NISCH: variants seen among roughly 807,000 people sequenced by gnomAD.
NISCH encodes the protein I-1 receptor candidate protein.
Under a neutral mutation model 138.4 loss-of-function variants are expected in NISCH, and 55 were observed. The ratio of observed to expected loss-of-function variants is 0.40; its 90% CI spans 0.32 to 0.50. The LOEUF is 0.50. NISCH is among the 20% of genes least tolerant of loss of function. The pLI, the probability that NISCH is intolerant of heterozygous loss-of-function variation, is 0.71. For missense variants in NISCH, 1,643 were observed against 2,005.5 expected, an observed-to-expected ratio of 0.82 and a Z score of 3.45; for synonymous variants, 860 against 861.5, an observed-to-expected ratio of 1.00 and a Z score of 0.03.
intron 17 of NISCH, 24 bp downstream of exon 17, chr3:52,489,702 AG>A: frequency 6.2e-7 from 1 of 1,601,920 alleles, no homozygotes; most frequent in Non-Finnish European, 8.5e-7. Flanking sequence ...TGTGGGTGCC[AG>A]CTATGGCACG....
In NISCH at chr3:52,480,213, C is replaced by G. The variant is rs761799702; in HGVS notation, c.1446C>G (p.Ala482=). Residue 482 remains alanine, a synonymous_variant, in exon 13 of 21, where the codon GCC becomes GCG. Coordinates refer to ENST00000345716, the MANE Select transcript of NISCH (RefSeq NM_007184.4). ...KGGEDSRLSA[A]PCIRPSSSPP... is the part of the protein sequence containing the mutation. ...GTGAAGACTCCCGGCTCTCAGCTGC[C>G]CCCTGCATCAGACCCAGCAGCTCCC... The G allele has an allele frequency of 1.9e-6, 3 of 1,613,948 alleles. 1 individual carries two copies. The highest frequency in any genetic ancestry group is 2.5e-6 in the Non-Finnish European group (3 of 1,180,010).
chr3:52,488,078 C>T lies in NISCH; in HGVS notation c.2586C>T (p.Tyr862=). The T allele has an allele frequency of 6.2e-7, 1 of 1,612,840 alleles. No homozygotes were observed. The highest frequency in any genetic ancestry group is 8.5e-7 in the Non-Finnish European group (1 of 1,179,954). Residue 862 remains tyrosine (Y), a synonymous_variant, in exon 16 of 21, where the codon TAC becomes TAT. Transcript: ENST00000345716. ...SQGCFPVYLV[Y]SDKRMVQTAA... ...GCTGCTTCCCCGTCTACCTGGTCTA[C>T]AGTGACAAGCGCATGGTGCAGACGG... is the stretch of plus-strand genomic sequence containing the variant.
At position 52,489,342 on chromosome 3, in the gene NISCH, CCAG is replaced by C; in HGVS notation, c.3122_3124del (p.Gln1041del). 1 of 1,611,640 alleles carries C rather than the reference CCAG, an allele frequency of 6.2e-7. No individual in the cohort carries two copies. ...TGTTTTTCGGGGGATACAGCAATGA[CCAG>C]CGTCCCCAGGAGGTCCCAGCAGAGG... On this transcript the variant is annotated inframe_deletion, in exon 17 of 21. Coordinates refer to ENST00000345716, the MANE Select transcript of NISCH (RefSeq NM_007184.4).
At chr3:52,485,865 C>T (rs1278446795) in intron 15 of NISCH, 38 bp downstream of exon 15, 3 of 1,555,686 alleles carry the variant, frequency 1.9e-6, no homozygotes, top group Non-Finnish European at 1.7e-6. Flanking sequence ...GGCCTGGCCA[C>T]ACAGCCTTAT....
At chr3:52,466,721 A>T (rs1706790786) in intron 3 of NISCH, among the ~76,000 whole-genome samples, 1 of 152,138 alleles carries the variant, frequency 6.6e-6, no homozygotes, top group Admixed American at 6.6e-5. Context: ...CGAAGCATCT[A>T]GGCCTGGCCT....
intron 15 of NISCH, 120 bp downstream of exon 15, chr3:52,485,947 G>T (rs878998519): frequency 3.5e-6 from 3 of 859,282 alleles, no homozygotes; most frequent in South Asian, 3.0e-5. Context: ...AAGGCCTATA[G>T]AACTATTTCT....
intron 3 of NISCH, among the ~76,000 whole-genome samples, chr3:52,469,583 A>G (rs572932709): frequency 8.3e-4 from 126 of 152,340 alleles, no homozygotes; most frequent in African/African-American, 2.9e-3. Flanking sequence ...CCTGGGCAAC[A>G]TAGTGAGACC....
chr3:52,474,417 C>G (rs1432445634), intron 7 of NISCH, among the ~76,000 whole-genome samples: 1 of 152,176 alleles, frequency 6.6e-6, no homozygotes, highest in Non-Finnish European at 1.5e-5. Flanking sequence ...CTGCCTCAGC[C>G]TCCCAAGTAG....
intron 19 of NISCH, among the ~76,000 whole-genome samples, 174 bp from the exon 20 acceptor site, chr3:52,491,178 T>G (rs1707551510): frequency 6.6e-6 from 1 of 152,250 alleles, no homozygotes; most frequent in African/African-American, 2.4e-5. Context: ...ATGCCTCAGC[T>G]CTTCCGGCCT....
intron 13 of NISCH, among the ~76,000 whole-genome samples, chr3:52,482,922 T>C (rs1707314092): frequency 6.6e-6 from 1 of 152,076 alleles, no homozygotes; most frequent in Non-Finnish European, 1.5e-5. Flanking sequence ...CTTGGAGCCA[T>C]GCGGGAGGAT....
chr3:52,481,812 C>G (rs1158924456), intron 13 of NISCH: 2 of 985,338 alleles, frequency 2.0e-6, no homozygotes, highest in African/African-American at 3.5e-5. Context: ...CCTGGGGACA[C>G]TCTGCAGAGG....
chr3:52,477,014 G>A (rs991459245), intron 8 of NISCH, among the ~76,000 whole-genome samples: 1 of 152,140 alleles, frequency 6.6e-6, no homozygotes, highest in African/African-American at 2.4e-5. Flanking sequence ...CAGCCTGGGC[G>A]ACAGAGTGAG....
chr3:52,457,551 C>T (rs1041499610), intron 1 of NISCH, among the ~76,000 whole-genome samples: 1 of 152,168 alleles, frequency 6.6e-6, no homozygotes. Flanking sequence ...TGGTAATCAC[C>T]TTTTTCATTC....
intron 13 of NISCH, among the ~76,000 whole-genome samples, chr3:52,482,257 C>T (rs1183782487): frequency 6.6e-6 from 1 of 152,208 alleles, no homozygotes; most frequent in East Asian, 1.9e-4. Context: ...TGCTTCCAGC[C>T]TGATTCCCGA....
Position 52,455,617 on chromosome 3 carries a change from C to T in NISCH, c.-25C>T. On this transcript the variant is annotated 5_prime_UTR_variant, in exon 1 of 21. Coordinates refer to ENST00000345716, the MANE Select transcript of NISCH (RefSeq NM_007184.4). ...CCTGCTGCTGCTAGTCTGCGCCGGG[C>T]GGCGGTGGCGGCGGAGACCCGAACA... The T allele has an allele frequency of 3.8e-6, 5 of 1,299,324 alleles. No homozygotes were observed. The highest frequency in any genetic ancestry group is 3.9e-6 in the Non-Finnish European group (4 of 1,016,938). 80.5% of individuals were successfully genotyped at this position (1,299,324 alleles called of 1,614,324 possible).
intron 4 of NISCH, 37 bp downstream of exon 4, chr3:52,470,944 G>C: frequency 6.2e-7 from 1 of 1,611,056 alleles, no homozygotes; most frequent in African/African-American, 1.3e-5. Context: ...CTGAGCATAA[G>C]TTGTGTAGTT....
chr3:52,476,836 C>G (rs1007882759), intron 8 of NISCH, among the ~76,000 whole-genome samples: 1 of 152,014 alleles, frequency 6.6e-6, no homozygotes, highest in Non-Finnish European at 1.5e-5. Context: ...GAGTTCGAGA[C>G]CAGCCTGACC....
chr3:52,477,621 G>A lies in NISCH; in HGVS notation c.966G>A (p.Leu322=). ...TCCTGGACCTGAGTCACAATGGATT[G>A]CTGGTTGTGGACAATCTGCAGGTAG... ...IEFLDLSHNG[L]LVVDNLQHLY... The change falls in exon 9 of 21, where the codon TTG becomes TTA. Residue 322 remains leucine, a synonymous_variant. Transcript: ENST00000345716. 6.2e-7 allele frequency: 1 copy of A among 1,614,066 alleles called. No homozygotes were observed. The highest frequency in any genetic ancestry group is 8.5e-7 in the Non-Finnish European group (1 of 1,179,908).
At chr3:52,463,158 G>A (rs1243466986) in intron 3 of NISCH, among the ~76,000 whole-genome samples, 1 of 152,164 alleles carries the variant, frequency 6.6e-6, no homozygotes, top group African/African-American at 2.4e-5. Context: ...TCTACTTTCT[G>A]TCCTTATGGA....
Sources: gnomAD v4.1 joint callset for allele counts (sites outside exome capture counted in the v4.1 genomes callset) on GRCh38, gnomAD v4.1.1 for gene constraint, MANE v1.5 for transcripts, NCBI Gene and HGNC (gene_info 2026-07-23, HGNC 2026-07-21) for gene names.